The following KCNG4 variants were observed in gnomAD, a reference collection of about 807,000 sequenced individuals.
KCNG4 encodes the protein potassium voltage-gated channel modifier subfamily G member 4.
A neutral mutation model predicts 28.2 loss-of-function variants in KCNG4; 30 were observed. The observed-to-expected ratio is 1.06, with a 90% CI of 0.80 to 1.44. KCNG4 has a LOEUF of 1.44. KCNG4 is among the 40% of genes most tolerant of loss of function. KCNG4 has a pLI of 0.00. For missense variants in KCNG4, 879 were observed against 712.3 expected (o/e 1.23, Z -2.66); for synonymous variants, 375 against 315.5 (o/e 1.19, Z -2.00).
rs772226047 is a variant in KCNG4 at position 84,237,260 on chromosome 16, T to G, written c.226A>C (p.Thr76Pro). The part of the protein sequence containing the change: ...GGRRYLLPWS[T>P]LDRFPLSRLS... ...CGGCTCAGCGGGAACCGGTCCAGTG[T>G]GCTCCAGGGGAGGAGATACCTCCTG... Residue 76 changes from threonine to proline, a missense_variant, in exon 2 of 3, where the codon ACA becomes CCA. Transcript: ENST00000308251. The G allele has an allele frequency of 1.4e-5, 23 of 1,613,322 alleles. No individual in the cohort carries two copies.
At chr16:84,223,768 C>T (rs1904633684) in intron 2 of KCNG4, among the ~76,000 whole-genome samples, 1 of 152,288 alleles carries the variant, frequency 6.6e-6, no homozygotes, top group Admixed American at 6.5e-5. Flanking sequence ...ACCCCTCATT[C>T]ATTTAGCTAA....
intron 2 of KCNG4, among the ~76,000 whole-genome samples, chr16:84,230,402 CAAAAAAAAAAAAA>C (rs36051103): frequency 3.3e-5 from 1 of 30,326 alleles, no homozygotes; most frequent in Non-Finnish European, 6.1e-5. Context: ...GACTTCATCT[CAAAAAAAAAAAAA>C]AAAAAAAAAA....
rs1204429048 is a variant in KCNG4 at position 84,222,227 on chromosome 16, A to T, written c.1550T>A (p.Met517Lys). 1 of 1,614,068 alleles carries T rather than the reference A, an allele frequency of 6.2e-7. No homozygotes were observed. The highest frequency in any genetic ancestry group is 1.7e-5 in the Admixed American group (1 of 60,002). The change falls in exon 3 of 3, where the codon ATG (methionine) becomes AAG (lysine). Residue 517 changes from methionine to lysine, a missense_variant. Transcript: ENST00000308251. ...ATGGGGGGTGCTGAGTTACATGTGC[A>T]TGATAGGCAAGGCTGGGCCCTCCAG... ...LILEGPALPI[M>K]HM
intron 1 of KCNG4, among the ~76,000 whole-genome samples, chr16:84,238,697 G>A (rs1047018963): frequency 6.6e-6 from 1 of 152,090 alleles, no homozygotes; most frequent in Non-Finnish European, 1.5e-5. Context: ...ATGAAACCCT[G>A]TATCTACTAA....
chr16:84,222,775 C>T lies in KCNG4; in HGVS notation c.1002G>A (p.Leu334=). 2 of 1,611,406 alleles carry T rather than the reference C, an allele frequency of 1.2e-6. No individual in the cohort carries two copies. The highest frequency in any genetic ancestry group is 1.7e-6 in the Non-Finnish European group (2 of 1,178,452). Residue 334 remains leucine (L), a synonymous_variant, in exon 3 of 3, where the codon CTG becomes CTA. Coordinates refer to ENST00000308251, the MANE Select transcript of KCNG4 (RefSeq NM_172347.3). ...SGSSYLEKVG[L]VLRVLRALRI... ...GCAGCGCTCGCAGCACACGCAGGAC[C>T]AGCCCCACCTTCTCCAGGTAGGAGC... is the stretch of plus-strand genomic sequence containing the variant.
Position 84,222,870 on chromosome 16 carries a change from T to C in KCNG4, c.907A>G (p.Ile303Val), listed in dbSNP as rs1904610175. ...GPLNIIDILAISPYYVSLAVS... is the reference protein window; with the variant it reads ...GPLNIIDILAVSPYYVSLAVS... ...GCCAGCGACACGTAGTATGGGGAGA[T>C]GGCCAGGATGTCGATGATGTTCAGG... Residue 303 changes from isoleucine to valine, a missense_variant, in exon 3 of 3, where the codon ATC becomes GTC. Transcript: ENST00000308251. 1 of 1,612,186 alleles carries C rather than the reference T, an allele frequency of 6.2e-7. No individual in the cohort carries two copies. The highest frequency in any genetic ancestry group is 8.5e-7 in the Non-Finnish European group (1 of 1,178,738).
At chr16:84,239,407 A>T (rs1419763844) in intron 1 of KCNG4, among the ~76,000 whole-genome samples, 1 of 152,188 alleles carries the variant, frequency 6.6e-6, no homozygotes, top group African/African-American at 2.4e-5. Context: ...TCACACAGCA[A>T]ATCCGAATCC....
At chr16:84,223,904 C>T (rs529109645) in intron 2 of KCNG4, among the ~76,000 whole-genome samples, 1 of 152,020 alleles carries the variant, frequency 6.6e-6, no homozygotes, top group South Asian at 2.1e-4. Context: ...TTCCTGAATC[C>T]CCAAGACAGC....
intron 1 of KCNG4, among the ~76,000 whole-genome samples, chr16:84,238,202 G>C (rs1457389999): frequency 6.6e-6 from 1 of 152,206 alleles, no homozygotes; most frequent in African/African-American, 2.4e-5. Context: ...TCATGAAGTA[G>C]ACATAAGAGC....
chr16:84,222,550 A>C lies in KCNG4; in HGVS notation c.1227T>G (p.Tyr409Ter). ...VLEFTSIPAS[Y>*]WWAIISMTTV... ...TTGTCATGGAGATGATGGCCCACCAATAGGAGGCGGGGATGCTGGTGAACT... is the reference window on the plus strand; with the variant it reads ...TTGTCATGGAGATGATGGCCCACCACTAGGAGGCGGGGATGCTGGTGAACT... The change falls in exon 3 of 3, where the codon TAT becomes TAG. Residue 409 changes from tyrosine (Y) to a stop codon, truncating the protein, a stop_gained. Transcript: ENST00000308251. LOFTEE classifies it high-confidence loss of function. The C allele has an allele frequency of 6.2e-7, 1 of 1,613,504 alleles. No homozygotes were observed. Among genetic ancestry groups the C allele is most frequent in the Non-Finnish European group, 8.5e-7 (1 of 1,179,980 alleles).
intron 2 of KCNG4, among the ~76,000 whole-genome samples, chr16:84,233,768 C>T (rs765386002): frequency 1.1e-4 from 16 of 151,340 alleles, no homozygotes; most frequent in South Asian, 2.1e-4. Context: ...AAAAATAAAA[C>T]GAGGGTAGGA....
At position 84,222,279 on chromosome 16, in the gene KCNG4, G is replaced by A; in HGVS notation, c.1498C>T (p.Leu500Phe). ...LDPHVASEHE[L>F]MNDVNDLILE... The stretch of plus-strand genomic sequence containing the variant: ...ATTAGGTCATTGACATCGTTCATGA[G>A]CTCATGTTCACTGGCCACATGGGGG... Residue 500 changes from leucine (L) to phenylalanine (F), a missense_variant, in exon 3 of 3, where the codon CTC becomes TTC. Transcript: ENST00000308251. 6.2e-7 allele frequency: 1 copy of A among 1,614,208 alleles called. No homozygotes were observed. The highest frequency in any genetic ancestry group is 8.5e-7 in the Non-Finnish European group (1 of 1,180,040).
rs1190930448 is a variant in KCNG4, at chr16:84,222,979, C to G, written c.798G>C (p.Glu266Asp). 6.5e-7 allele frequency: 1 copy of G among 1,547,950 alleles called. No homozygotes were observed. The highest frequency in any genetic ancestry group is 8.7e-7 in the Non-Finnish European group (1 of 1,146,714). Reference sequence around the variant, plus strand: ...GGGAGAACCAGGCCACGCAGATGGTCTCCACGATGAAAATATAGTAGCACT... The same window carrying G: ...GGGAGAACCAGGCCACGCAGATGGTGTCCACGATGAAAATATAGTAGCACT... ...SRKCYYIFIVETICVAWFSLE... is the reference protein window; with the variant it reads ...SRKCYYIFIVDTICVAWFSLE... Residue 266 changes from glutamate to aspartate, a missense_variant, in exon 3 of 3, where the codon GAG (glutamate) becomes GAC (aspartate). Coordinates refer to ENST00000308251, the MANE Select transcript of KCNG4 (RefSeq NM_172347.3).
rs900793449 is a variant in KCNG4, at chr16:84,221,886, A to T, written c.*331T>A. ...ACCAATGGTTACCAGTTCTATGGGC[A>T]TCCAGAACCCAGCCTGGGATGTTAA... On this transcript the variant is annotated 3_prime_UTR_variant, in exon 3 of 3. Transcript: ENST00000308251. The T allele has an allele frequency of 6.0e-6, 2 of 334,902 alleles. No homozygotes were observed. The highest frequency in any genetic ancestry group is 1.1e-5 in the Non-Finnish European group (2 of 180,950). The allele number at this position is 334,902 out of a possible 1,614,324, so 20.7% of individuals were successfully genotyped here. A position where few individuals can be genotyped will look rare whatever the true frequency, so the allele number is the denominator to read the frequency against.
At chr16:84,233,668 C>T (rs1904877260) in intron 2 of KCNG4, among the ~76,000 whole-genome samples, 1 of 151,678 alleles carries the variant, frequency 6.6e-6, no homozygotes, top group South Asian at 2.1e-4. Flanking sequence ...GATCATGCCA[C>T]TGCACACTAG....
Position 84,239,787 on chromosome 16 carries a change from C to A in KCNG4, c.-158G>T, listed in dbSNP as rs1316605035. On this transcript the variant is annotated 5_prime_UTR_variant, in exon 1 of 3. Coordinates refer to ENST00000308251, the MANE Select transcript of KCNG4 (RefSeq NM_172347.3). ...GGAGATGAAGGGGAAGAAAAAAATC[C>A]CCAAAACAGCAGTTTCTAGCAGAGT... 6.6e-6 allele frequency: 1 copy of A among 152,000 alleles called. No individual in the cohort carries two copies. The allele number at this position is 152,000 out of a possible 1,614,324, so 9.4% of individuals were successfully genotyped here.
chr16:84,235,235 C>T (rs762062180), intron 2 of KCNG4, among the ~76,000 whole-genome samples: 12 of 152,224 alleles, frequency 7.9e-5, no homozygotes, highest in Non-Finnish European at 1.5e-4. Flanking sequence ...CTGGCTCCTA[C>T]ACAATTTCTC....
At chr16:84,235,687 G>A (rs1306354818) in intron 2 of KCNG4, 4 of 152,164 alleles carry the variant, frequency 2.6e-5, no homozygotes, top group Admixed American at 6.5e-5. Context: ...ATCTTTAAGC[G>A]AAGAGAACTT....
chr16:84,220,420 AG>A lies in KCNG4; in HGVS notation c.*1796del. On this transcript the variant is annotated 3_prime_UTR_variant, in exon 3 of 3. Coordinates refer to ENST00000308251, the MANE Select transcript of KCNG4 (RefSeq NM_172347.3). The stretch of plus-strand genomic sequence containing the variant: ...CTCCCTGGACGCTAGGTGCTGGTGC[AG>A]GGTGCTTCCTGGGCCAGAGCCCTCT... 1 of 152,308 alleles carries A rather than the reference AG, an allele frequency of 6.6e-6. No homozygotes were observed. Among genetic ancestry groups the A allele is most frequent in the South Asian group, 2.1e-4 (1 of 4,840 alleles). The allele number at this position is 152,308 out of a possible 1,614,324, so 9.4% of individuals were successfully genotyped here.
Sources: allele counts gnomAD v4.1 joint callset (sites outside exome capture counted in the v4.1 genomes callset), GRCh38; gene constraint gnomAD v4.1.1; transcripts MANE v1.5; gene names NCBI Gene and HGNC (gene_info 2026-07-23, HGNC 2026-07-21).